NBEA: variants seen among roughly 807,000 people sequenced by gnomAD.
NBEA encodes the protein neurobeachin, also known as lysosomal-trafficking regulator 2.
NBEA carries 44 observed loss-of-function variants against 343.4 expected under a neutral mutation model. That is an observed-to-expected ratio of 0.13 (90% confidence interval 0.10 to 0.16). NBEA has a LOEUF of 0.16. NBEA is among the 10% of genes least tolerant of loss of function. The pLI, the probability that NBEA is intolerant of heterozygous loss-of-function variation, is 1.00. For missense variants in NBEA, 2,555 were observed against 3,631.3 expected (o/e 0.70, Z 7.62); for synonymous variants, 1,175 against 1,238.7 (o/e 0.95, Z 1.08).
chr13:35,493,543 AT>A (rs2076571099), intron 41 of NBEA, among the ~76,000 whole-genome samples: 1 of 151,922 alleles, frequency 6.6e-6, no homozygotes, highest in South Asian at 2.1e-4. Context: ...CATATGTTTT[AT>A]TTGAAGTATG....
chr13:35,342,182 T>G (rs1256629414), intron 36 of NBEA, among the ~76,000 whole-genome samples: 3 of 152,030 alleles, frequency 2.0e-5, no homozygotes, highest in Non-Finnish European at 2.9e-5. Flanking sequence ...GACTAGTACT[T>G]ACCAGAAGAA....
At chr13:35,218,441 C>G (rs1254620491) in intron 33 of NBEA, among the ~76,000 whole-genome samples, 1 of 151,766 alleles carries the variant, frequency 6.6e-6, no homozygotes, top group Non-Finnish European at 1.5e-5. Context: ...TTCTGTCATC[C>G]ACGAATAATG....
intron 41 of NBEA, among the ~76,000 whole-genome samples, chr13:35,548,981 C>T (rs532846641): frequency 6.6e-6 from 1 of 152,252 alleles, no homozygotes; most frequent in African/African-American, 2.4e-5. Context: ...TCTGCTTAAA[C>T]TAACCATTTC....
intron 34 of NBEA, among the ~76,000 whole-genome samples, chr13:35,252,541 G>GATC (rs2032106301): frequency 6.6e-6 from 1 of 152,210 alleles, no homozygotes; most frequent in Non-Finnish European, 1.5e-5. Context: ...GGCAGTGTGT[G>GATC]ATCGACTGGG....
intron 45 of NBEA, among the ~76,000 whole-genome samples, chr13:35,570,931 T>C (rs2080377959): frequency 1.3e-5 from 2 of 152,192 alleles, no homozygotes; most frequent in Admixed American, 1.3e-4. Flanking sequence ...GAAGTTCTTG[T>C]AGTTATAATC....
At chr13:35,009,407 CTT>C (rs1022314254) in intron 1 of NBEA, among the ~76,000 whole-genome samples, 7 of 152,070 alleles carry the variant, frequency 4.6e-5, no homozygotes, top group African/African-American at 1.7e-4. Context: ...GGGAAAACCT[CTT>C]TGATAAGATG....
At chr13:35,205,373 A>G (rs60686885) in intron 31 of NBEA, among the ~76,000 whole-genome samples, 6,813 of 152,246 alleles carry the variant, frequency 0.045, 179 homozygotes, top group South Asian at 0.078. Flanking sequence ...AAAAATTATC[A>G]GAGATTTTTT....
At chr13:35,224,425 A>G (rs941618250) in intron 33 of NBEA, among the ~76,000 whole-genome samples, 2 of 151,986 alleles carry the variant, frequency 1.3e-5, no homozygotes, top group Non-Finnish European at 2.9e-5. Flanking sequence ...GAATGCACCA[A>G]TGTGCACACT....
chr13:35,582,232 G>A (rs886967720), intron 45 of NBEA, among the ~76,000 whole-genome samples: 2 of 152,098 alleles, frequency 1.3e-5, no homozygotes, highest in Non-Finnish European at 2.9e-5. Context: ...CTTGCAGCGA[G>A]CCCAGATCGC....
chr13:35,485,650 A>G (rs1208895415), intron 41 of NBEA, among the ~76,000 whole-genome samples: 1 of 152,094 alleles, frequency 6.6e-6, no homozygotes, highest in Non-Finnish European at 1.5e-5. Context: ...CAGCTGTCAC[A>G]GCTCAGCTAA....
intron 18 of NBEA, among the ~76,000 whole-genome samples, chr13:35,143,930 A>C (rs1449010171): frequency 6.6e-6 from 1 of 151,708 alleles, no homozygotes; most frequent in Non-Finnish European, 1.5e-5. Context: ...ACAAATTTAC[A>C]CTTCTCTAAT....
intron 38 of NBEA, among the ~76,000 whole-genome samples, chr13:35,355,884 A>G (rs550418456): frequency 2.0e-5 from 3 of 152,006 alleles, no homozygotes; most frequent in South Asian, 4.1e-4. Flanking sequence ...CAAATATTTT[A>G]TATTGCATTT....
intron 18 of NBEA, among the ~76,000 whole-genome samples, chr13:35,150,001 A>G (rs761335438): frequency 3.3e-5 from 5 of 152,212 alleles, no homozygotes; most frequent in Non-Finnish European, 7.3e-5. Flanking sequence ...GATATTCTAC[A>G]CAAAACAAAG....
rs746439214 is a variant in NBEA at position 35,159,932 on chromosome 13, A to G, written c.3761A>G (p.Asn1254Ser). 2.5e-6 allele frequency: 4 copies of G among 1,593,684 alleles called. No homozygotes were observed. The East Asian group carries it at 9.1e-5, about 36-fold the overall frequency. ...TESSSSKIVP[N>S]IDAGSIISDT... ...TCTTCTAGTAGCAAAATTGTACCAA[A>G]TATTGATGCAGGAAGTATAATTTCA... The change falls in exon 22 of 59, where the codon AAT (asparagine) becomes AGT (serine). Residue 1254 changes from asparagine to serine, a missense_variant. Asn to Ser is a conservative substitution (Grantham distance 46, BLOSUM62 1). Transcript: ENST00000379939.
At chr13:35,084,796 T>A (rs2064643180) in intron 10 of NBEA, among the ~76,000 whole-genome samples, 1 of 152,038 alleles carries the variant, frequency 6.6e-6, no homozygotes, top group African/African-American at 2.4e-5. Context: ...ATCCAGGAGC[T>A]GGTTTTTTGA....
intron 10 of NBEA, among the ~76,000 whole-genome samples, chr13:35,090,763 A>G (rs1455958165): frequency 6.6e-6 from 1 of 151,982 alleles, no homozygotes; most frequent in Non-Finnish European, 1.5e-5. Flanking sequence ...TAGAGTGAGC[A>G]CACTCTACCC....
chr13:35,219,794 T>C (rs1227911173), intron 33 of NBEA, among the ~76,000 whole-genome samples: 3 of 152,094 alleles, frequency 2.0e-5, no homozygotes, highest in Non-Finnish European at 4.4e-5. Flanking sequence ...AGACCAGTAC[T>C]CCTAGCTCAA....
rs565513344 is a variant in NBEA at position 35,435,551 on chromosome 13, T to TG, written c.6304+3166dup. Among the ~76,000 whole-genome samples, 516 of 148,492 alleles carry TG rather than the reference T, an allele frequency of 3.5e-3. 3 individuals are homozygous for TG. The East Asian group carries it at 0.043, about 12-fold the overall frequency. ...ATAATGGATATGTGCAGGAGTGGGGTGGGGGGGGCGTGTAGATGTTTGTTA... is the reference window on the plus strand; with the variant it reads ...ATAATGGATATGTGCAGGAGTGGGGTGGGGGGGGGCGTGTAGATGTTTGTTA... On this transcript the variant is annotated intron_variant, in intron 39 of 58. Transcript: ENST00000379939.
intron 10 of NBEA, among the ~76,000 whole-genome samples, chr13:35,096,179 A>C (rs937404562): frequency 1.3e-5 from 2 of 151,510 alleles, no homozygotes; most frequent in African/African-American, 4.8e-5. Flanking sequence ...CACCATGTCA[A>C]TTATACCTTA....
Sources: gnomAD v4.1 joint callset for allele counts (sites outside exome capture counted in the v4.1 genomes callset) on GRCh38, gnomAD v4.1.1 for gene constraint, MANE v1.5 for transcripts, NCBI Gene and HGNC (gene_info 2026-07-23, HGNC 2026-07-21) for gene names.